Variants in CLRN3 observed in about 807,000 individuals in gnomAD.
CLRN3 encodes the protein clarin-3.
In CLRN3, 12 loss-of-function variants were observed where a neutral mutation model predicts 16.7. That is an observed-to-expected ratio of 0.72 (90% CI 0.46 to 1.16). The LOEUF (loss-of-function observed/expected upper bound fraction) is 1.16, where lower values mean the gene tolerates loss of function less well. CLRN3 is among the 50% of genes most tolerant of loss of function. The probability of loss-of-function intolerance (pLI) is 0.00; values close to 1 mark genes in which losing one functional copy is unlikely to be tolerated. For missense variants in CLRN3, 296 were observed against 274.2 expected (o/e 1.08, Z -0.56); for synonymous variants, 118 against 113.0 (o/e 1.04, Z -0.28).
chr10:127,878,358 C>A lies in CLRN3; in HGVS notation c.472G>T (p.Glu158Ter), dbSNP rs140641136. ...VANTQSNQLS[E>*]ELFQMLYPAT... ...GGGTAAAGCATTTGGAACAACTCTT[C>A]GGAGAGTTGGTTGGACTGCGTGTTC... Residue 158 changes from glutamate to a stop codon, truncating the protein, a stop_gained, in exon 3 of 3, where the codon GAA becomes TAA. Coordinates refer to ENST00000368671, the MANE Select transcript of CLRN3 (RefSeq NM_152311.5). LOFTEE classifies it low-confidence loss of function (END_TRUNC). The A allele has an allele frequency of 1.2e-6, 2 of 1,614,136 alleles. No homozygotes were observed. The highest frequency in any genetic ancestry group is 1.7e-6 in the Non-Finnish European group (2 of 1,180,030).
intron 2 of CLRN3, 33 bp downstream of exon 2, chr10:127,883,663 C>A: frequency 6.6e-7 from 1 of 1,509,642 alleles, no homozygotes; most frequent in African/African-American, 1.4e-5. Context: ...ATGCAGTTTT[C>A]TGCAGAGCAC....
chr10:127,886,512 C>T (rs1845195999), intron 1 of CLRN3, among the ~76,000 whole-genome samples: 1 of 152,110 alleles, frequency 6.6e-6, no homozygotes, highest in Admixed American at 6.5e-5. Context: ...GCCCCAGAAG[C>T]AGCAATGACT....
At chr10:127,887,467 A>G (rs1208459765) in intron 1 of CLRN3, among the ~76,000 whole-genome samples, 1 of 145,010 alleles carries the variant, frequency 6.9e-6, no homozygotes, top group Non-Finnish European at 1.5e-5. Context: ...TTTTTTTTTC[A>G]GAGTAAATTA....
intron 2 of CLRN3, among the ~76,000 whole-genome samples, chr10:127,883,220 C>A (rs10765176): frequency 0.46 from 69,279 of 152,074 alleles, 19,191 homozygotes; most frequent in Non-Finnish European, 0.6. Context: ...ACCAAGTGGA[C>A]TCTTGTCATG....
At position 127,878,077 on chromosome 10, in the gene CLRN3, A is replaced by G; in HGVS notation, c.*72T>C. 1 of 1,538,408 alleles carries G rather than the reference A, an allele frequency of 6.5e-7. No homozygotes were observed. The highest frequency in any genetic ancestry group is 2.3e-5 in the East Asian group (1 of 44,128). On this transcript the variant is annotated 3_prime_UTR_variant, in exon 3 of 3. Coordinates refer to ENST00000368671, the MANE Select transcript of CLRN3 (RefSeq NM_152311.5). ...GTCACGTTACCATGCTGAATTGTCC[A>G]GAGAAGCTAACCAGTTACTACTCAG...
chr10:127,881,157 C>T (rs1366135508), intron 2 of CLRN3, among the ~76,000 whole-genome samples: 1 of 152,198 alleles, frequency 6.6e-6, no homozygotes, highest in Non-Finnish European at 1.5e-5. Context: ...TACACATCAA[C>T]CTCTCAGGTT....
In CLRN3 at chr10:127,892,641, G is replaced by T; in HGVS notation, c.144C>A (p.Ser48Arg). The T allele has an allele frequency of 6.2e-7, 1 of 1,612,502 alleles. No individual in the cohort carries two copies. The highest frequency in any genetic ancestry group is 8.5e-7 in the Non-Finnish European group (1 of 1,178,514). Residue 48 changes from serine (S) to arginine (R), a missense_variant, in exon 1 of 3, where the codon AGC becomes AGA. Transcript: ENST00000368671. ...GAAAAAGTCCGTAAGTGATGAAAAT[G>T]CTCCCATTTGAAGCAGAGTCTCTAA... ...IAVRDSASNG[S>R]IFITYGLFRG...
At chr10:127,882,685 A>G (rs539907718) in intron 2 of CLRN3, among the ~76,000 whole-genome samples, 1 of 152,314 alleles carries the variant, frequency 6.6e-6, no homozygotes, top group Admixed American at 6.5e-5. Context: ...TGCTGCCCTC[A>G]GCCCCTCCTC....
rs971815920 is a variant in CLRN3, at chr10:127,878,484, A to T, written c.410-64T>A. 174 of 1,589,040 alleles carry T rather than the reference A, an allele frequency of 1.1e-4. 1 individual carries two copies. In the Admixed American group the frequency reaches 2.9e-3, roughly 27 times the overall value. ...ACAGTTTTTAATGTCACTTATCTTT[A>T]TGGAACACATATATATGGGAATGTA... On this transcript the variant is annotated intron_variant, in intron 2 of 2. Coordinates refer to ENST00000368671, the MANE Select transcript of CLRN3 (RefSeq NM_152311.5).
chr10:127,880,811 C>A (rs1162603970), intron 2 of CLRN3, among the ~76,000 whole-genome samples: 2 of 152,136 alleles, frequency 1.3e-5, no homozygotes, highest in Non-Finnish European at 2.9e-5. Context: ...AGTTCAAAAC[C>A]AGCCGCTAGG....
intron 1 of CLRN3, among the ~76,000 whole-genome samples, chr10:127,891,358 T>C (rs1845256080): frequency 6.6e-6 from 1 of 152,260 alleles, no homozygotes; most frequent in Admixed American, 6.5e-5. Context: ...GTTTTGTCTC[T>C]TACTTAAAAT....
chr10:127,883,059 C>G (rs921573806), intron 2 of CLRN3, among the ~76,000 whole-genome samples: 2 of 152,224 alleles, frequency 1.3e-5, no homozygotes, highest in Admixed American at 1.3e-4. Context: ...CAGCACCACA[C>G]CCATGAAACA....
rs759453334 is a variant in CLRN3, at chr10:127,883,795, A to T, written c.310T>A (p.Ser104Thr). Reference protein sequence around the residue: ...ILFLVLSLITSLLSSGFTFYN... With the variant: ...ILFLVLSLITTLLSSGFTFYN... ...AAGGTAAACCCAGAGCTCAGCAGCG[A>T]CGTGATCAAACTCAGGACCAGGAAC... is the stretch of plus-strand genomic sequence containing the variant. Residue 104 changes from serine (S) to threonine (T), a missense_variant, in exon 2 of 3, where the codon TCG (serine) becomes ACG (threonine). Transcript: ENST00000368671. 4 of 1,614,184 alleles carry T rather than the reference A, an allele frequency of 2.5e-6. No individual in the cohort carries two copies. The Admixed American group carries it at 6.7e-5, about 27-fold the overall frequency.
At chr10:127,879,258 G>A (rs1260492021) in intron 2 of CLRN3, among the ~76,000 whole-genome samples, 4 of 152,042 alleles carry the variant, frequency 2.6e-5, no homozygotes, top group Non-Finnish European at 5.9e-5. Flanking sequence ...ACAGGTATAT[G>A]CCACCATGCT....
At chr10:127,881,909 C>T (rs79681417) in intron 2 of CLRN3, among the ~76,000 whole-genome samples, 11 of 152,148 alleles carry the variant, frequency 7.2e-5, no homozygotes, top group African/African-American at 1.2e-4. Flanking sequence ...CGACACAGGC[C>T]GAGACCTTGA....
At chr10:127,880,398 AT>A (rs11317482) in intron 2 of CLRN3, among the ~76,000 whole-genome samples, 21,263 of 151,990 alleles carry the variant, frequency 0.14, 1,479 homozygotes, top group Middle Eastern at 0.28. Context: ...GGACAGAAGG[AT>A]TTATAGGGGC....
chr10:127,881,535 G>C (rs546062692), intron 2 of CLRN3, among the ~76,000 whole-genome samples: 3 of 152,276 alleles, frequency 2.0e-5, no homozygotes, highest in African/African-American at 7.2e-5. Context: ...TTTCCCTCCA[G>C]GAATGCAGGC....
At chr10:127,887,817 G>A (rs140632039) in intron 1 of CLRN3, among the ~76,000 whole-genome samples, 59 of 152,268 alleles carry the variant, frequency 3.9e-4, no homozygotes, top group South Asian at 1.5e-3. Flanking sequence ...AACACATTCC[G>A]TTCTTTTTCT....
Position 127,877,879 on chromosome 10 carries a change from G to GT in CLRN3, c.*269dup, listed in dbSNP as rs1845076649. 1 of 399,404 alleles carries GT rather than the reference G, an allele frequency of 2.5e-6. No homozygotes were observed. Among genetic ancestry groups the GT allele is most frequent in the Admixed American group, 4.0e-5 (1 of 25,126 alleles). 24.7% of individuals were successfully genotyped at this position (399,404 alleles called of 1,614,324 possible). On this transcript the variant is annotated 3_prime_UTR_variant, in exon 3 of 3. Transcript: ENST00000368671. ...ACACAGCCTTTTATTATTTCAGATC[G>GT]TGAGACCAGGTCAGAAGGGTCGTTA...
Sources: allele counts gnomAD v4.1 joint callset (sites outside exome capture counted in the v4.1 genomes callset), GRCh38; gene constraint gnomAD v4.1.1; transcripts MANE v1.5; gene names NCBI Gene and HGNC (gene_info 2026-07-23, HGNC 2026-07-21).